Variants in RSPH14 observed in about 807,000 individuals in gnomAD.
The protein encoded by RSPH14 is radial spoke head 14 homolog, also known as rhabdoid tumor deletion region gene 1.
In RSPH14, 20 loss-of-function variants were observed where a neutral mutation model predicts 26.7. The ratio of observed to expected loss-of-function variants is 0.75; its 90% CI spans 0.53 to 1.09. RSPH14 has a LOEUF of 1.09. Ranked by LOEUF, RSPH14 falls within the 50% of genes least tolerant of loss-of-function variation. RSPH14 has a pLI of 0.00. For missense variants in RSPH14, 449 were observed against 457.2 expected (o/e 0.98, Z 0.16); for synonymous variants, 177 against 189.3 (o/e 0.93, Z 0.53).
intron 1 of RSPH14, 40 bp downstream of exon 1, chr22:23,141,909 C>T: frequency 1.1e-6 from 1 of 912,814 alleles, no homozygotes; most frequent in Non-Finnish European, 1.3e-6. Context: ...TCACTGGGCC[C>T]CCCTGTCCCC....
chr22:23,105,715 A>C (rs2146344923), intron 4 of RSPH14, among the ~76,000 whole-genome samples: 1 of 152,318 alleles, frequency 6.6e-6, no homozygotes, highest in Admixed American at 6.5e-5. Context: ...TCCAATCTAC[A>C]ACACACCTGT....
chr22:23,177,712 G>T, the RSPH14 span, among the ~76,000 whole-genome samples: 3 of 152,178 alleles, frequency 2.0e-5, no homozygotes, highest in Non-Finnish European at 4.4e-5. Context: ...CCACAAGGGA[G>T]AAAGCCACTA....
chr22:23,123,071 A>G, intron 4 of RSPH14: 1 of 1,572,256 alleles, frequency 6.4e-7, no homozygotes, highest in South Asian at 1.1e-5. Context: ...TAACGCCAGT[A>G]CTTTCCTTTC....
Position 23,100,016 on chromosome 22 carries a change from G to T in RSPH14, c.421+34010C>A, listed in dbSNP as rs529974236. ...GTTGTAAAGCATCAAATGTTCTCAT[G>T]TGGAAACCCACAGGGAGCTCACTGC... is the stretch of plus-strand genomic sequence containing the variant. On this transcript the variant is annotated intron_variant, in intron 4 of 6. Coordinates refer to ENST00000216036, the MANE Select transcript of RSPH14 (RefSeq NM_014433.3). Among the ~76,000 whole-genome samples, 8 of 152,386 alleles carry T rather than the reference G, an allele frequency of 5.2e-5. No homozygotes were observed. In the Middle Eastern group the frequency reaches 0.014, roughly 259 times the overall value.
At chr22:23,118,095 T>G (rs1473039757) in intron 4 of RSPH14, among the ~76,000 whole-genome samples, 1 of 152,224 alleles carries the variant, frequency 6.6e-6, no homozygotes, top group Non-Finnish European at 1.5e-5. Context: ...AGCCACGGCC[T>G]GGGGCAGAGT....
At chr22:23,180,186 C>T in the RSPH14 span, 2 of 228,446 alleles carry the variant, frequency 8.8e-6, no homozygotes, top group Non-Finnish European at 8.7e-6. Context: ...GTCCTCCTGG[C>T]CGGAGGGGAG....
chr22:23,094,630 C>T (rs766180260), intron 4 of RSPH14, among the ~76,000 whole-genome samples: 3 of 152,230 alleles, frequency 2.0e-5, no homozygotes, highest in Non-Finnish European at 4.4e-5. Flanking sequence ...TGCTTAGGCA[C>T]CTCACGGTGC....
intron 4 of RSPH14, among the ~76,000 whole-genome samples, chr22:23,114,285 C>T (rs559955639): frequency 6.6e-6 from 1 of 152,342 alleles, no homozygotes; most frequent in African/African-American, 2.4e-5. Flanking sequence ...TGAACACTCC[C>T]AGCTTTTCTA....
intron 4 of RSPH14, among the ~76,000 whole-genome samples, chr22:23,097,014 G>A (rs186353002): frequency 6.6e-6 from 1 of 152,332 alleles, no homozygotes; most frequent in East Asian, 1.9e-4. Context: ...AGTGTGCTGA[G>A]GCCCAGCCAG....
At chr22:23,095,752 T>C in intron 4 of RSPH14, 2 of 1,612,634 alleles carry the variant, frequency 1.2e-6, no homozygotes, top group Middle Eastern at 1.6e-4. Flanking sequence ...CCCGGAGAAT[T>C]GACCGCCACC....
At chr22:23,113,283 TCTCCCACAGATCTTACCCCGG>T (rs1297818810) in intron 4 of RSPH14, among the ~76,000 whole-genome samples, 1 of 152,120 alleles carries the variant, frequency 6.6e-6, no homozygotes, top group Non-Finnish European at 1.5e-5. Flanking sequence ...AGCATCCTTC[TCTCCCACAGATCTTACCCCGG>T]CTCCCACCCC....
At chr22:23,065,985 C>T (rs571320344) in intron 4 of RSPH14, among the ~76,000 whole-genome samples, 32 of 152,202 alleles carry the variant, frequency 2.1e-4, no homozygotes, top group Non-Finnish European at 4.3e-4. Flanking sequence ...CCTCCTGCTC[C>T]CGCTCTGCTT....
At chr22:23,119,782 G>T (rs1476472929) in intron 4 of RSPH14, among the ~76,000 whole-genome samples, 1 of 152,224 alleles carries the variant, frequency 6.6e-6, no homozygotes, top group African/African-American at 2.4e-5. Context: ...GGTGCCTCCT[G>T]CAGGCTTTCC....
chr22:23,174,797 C>A, the RSPH14 span, among the ~76,000 whole-genome samples: 1 of 151,704 alleles, frequency 6.6e-6, no homozygotes. Context: ...GGAGAAACCC[C>A]GTTTCTACTA....
At chr22:23,146,438 C>G (rs1360302497), upstream of RSPH14, among the ~76,000 whole-genome samples, 1 of 152,048 alleles carries the variant, frequency 6.6e-6, no homozygotes, top group Non-Finnish European at 1.5e-5. Flanking sequence ...TCTCAACCTC[C>G]TGGGCCCAAG....
chr22:23,159,814 G>A, the RSPH14 span, among the ~76,000 whole-genome samples: 4 of 152,240 alleles, frequency 2.6e-5, no homozygotes, highest in South Asian at 2.1e-4. Context: ...ACTCCCCACC[G>A]GGTCTACCCC....
chr22:23,144,891 A>AG (rs2070687999), upstream of RSPH14: 1 of 156,130 alleles, frequency 6.4e-6, no homozygotes, highest in South Asian at 1.9e-4. Flanking sequence ...GAGGCCATCT[A>AG]GCCCAAAACA....
At chr22:23,139,212 C>A (rs553035200) in intron 2 of RSPH14, among the ~76,000 whole-genome samples, 2 of 152,270 alleles carry the variant, frequency 1.3e-5, no homozygotes, top group Non-Finnish European at 2.9e-5. Context: ...AAGAAAATGG[C>A]CTTTGCCATT....
intron 4 of RSPH14, among the ~76,000 whole-genome samples, chr22:23,075,299 T>C (rs1210955226): frequency 6.6e-6 from 1 of 152,154 alleles, no homozygotes; most frequent in Non-Finnish European, 1.5e-5. Context: ...CTTGGCACCA[T>C]GGCCCAGGGA....
Sources: allele counts gnomAD v4.1 joint callset (sites outside exome capture counted in the v4.1 genomes callset), GRCh38; gene constraint gnomAD v4.1.1; transcripts MANE v1.5; gene names NCBI Gene and HGNC (gene_info 2026-07-23, HGNC 2026-07-21).